Variants in ST7L observed in about 807,000 individuals in gnomAD.
ST7L encodes the protein suppression of tumorigenicity 7 like.
ST7L carries 57 observed loss-of-function variants against 72.5 expected under a neutral mutation model. The observed-to-expected ratio is 0.79, with a 90% CI of 0.64 to 0.98. The LOEUF (loss-of-function observed/expected upper bound fraction) is 0.98, where lower values mean the gene tolerates loss of function less well. Among genes scored for constraint, ST7L ranks in the 50% least tolerant of loss-of-function variants. The pLI is 0.00. For missense variants in ST7L, 576 were observed against 672.2 expected (o/e 0.86, Z 1.58); for synonymous variants, 221 against 240.9 (o/e 0.92, Z 0.77).
At chr1:112,619,618 G>T, upstream of ST7L, 1 of 560,976 alleles carries the variant, frequency 1.8e-6, no homozygotes, top group Non-Finnish European at 3.2e-6. Flanking sequence ...GTAACTCATT[G>T]GGAAAGATAT....
intron 1 of ST7L, 64 bp downstream of exon 1, chr1:112,618,845 T>C (rs1670375092): frequency 3.3e-6 from 5 of 1,534,318 alleles, no homozygotes; most frequent in Non-Finnish European, 4.4e-6. Flanking sequence ...TCTTGCCCTT[T>C]GGCTCTTGCC....
In ST7L at chr1:112,618,891, G is replaced by A. The variant is rs367721926; in HGVS notation, c.205+18C>T. 9 of 1,551,236 alleles carry A rather than the reference G, an allele frequency of 5.8e-6. No individual in the cohort carries two copies. The African/African-American group carries it at 9.6e-5, about 16-fold the overall frequency. ...CTCCTGGCCCCCCGCCCTGCCCCAG[G>A]AGGTCTGGTCCTCTCACCCGCTGCC... is the stretch of plus-strand genomic sequence containing the variant. On this transcript the variant is annotated intron_variant, in intron 1 of 14. Coordinates refer to ENST00000358039, the MANE Select transcript of ST7L (RefSeq NM_017744.5).
Position 112,578,360 on chromosome 1 carries a change from C to A in ST7L, c.1127G>T (p.Arg376Met), listed in dbSNP as rs116687780. 268 of 1,614,066 alleles carry A rather than the reference C, an allele frequency of 1.7e-4. 2 individuals carry two copies. In the East Asian group the frequency reaches 5.8e-3, roughly 35 times the overall value. The change falls in exon 10 of 15, where the codon AGG (arginine) becomes ATG (methionine). Residue 376 changes from arginine to methionine, a missense_variant. Arg to Met is a moderately conservative substitution (Grantham distance 91). Around this residue, in one of 3 missense-constraint regions of ST7L, gnomAD observed 511 missense variants for 600.7 expected, o/e 0.85. Coordinates refer to ENST00000358039, the MANE Select transcript of ST7L (RefSeq NM_017744.5). The part of the protein sequence containing the change: ...ICYTAALLKT[R>M]TVSEKFSPET... ...TAACACGTACTTTTCTGAAACAGTC[C>A]TTGTCTTCAACAGTGCTGCTGTGTA...
chr1:112,546,656 C>T (rs1657130351), intron 13 of ST7L, among the ~76,000 whole-genome samples: 1 of 151,986 alleles, frequency 6.6e-6, no homozygotes, highest in African/African-American at 2.4e-5. Flanking sequence ...CTTTCTAGTC[C>T]CCAGTTCTAG....
chr1:112,518,246 C>T, the ST7L span: 1 of 152,214 alleles, frequency 6.6e-6, no homozygotes, highest in Non-Finnish European at 1.5e-5. Context: ...ATTTCTGGTT[C>T]AGATAGGTTA....
intron 13 of ST7L, among the ~76,000 whole-genome samples, chr1:112,547,489 G>A (rs1400068793): frequency 1.3e-5 from 2 of 149,428 alleles, no homozygotes; most frequent in Admixed American, 6.7e-5. Context: ...CCCATGTCTG[G>A]CCCTTCTCAA....
chr1:112,564,102 G>A (rs1660580656), intron 11 of ST7L, among the ~76,000 whole-genome samples: 1 of 152,138 alleles, frequency 6.6e-6, no homozygotes, highest in African/African-American at 2.4e-5. Context: ...ATGTATTGGG[G>A]GAGACTAAAG....
At chr1:112,613,887 C>T (rs1004546569) in intron 2 of ST7L, among the ~76,000 whole-genome samples, 1 of 152,028 alleles carries the variant, frequency 6.6e-6, no homozygotes, top group South Asian at 2.1e-4. Context: ...GCCACCACAA[C>T]GCGCTAAATT....
intron 14 of ST7L, among the ~76,000 whole-genome samples, chr1:112,534,053 T>C (rs895326347): frequency 6.6e-6 from 1 of 152,186 alleles, no homozygotes; most frequent in African/African-American, 2.4e-5. Context: ...AGGCAGCTTA[T>C]TTGCCCACTG....
intron 11 of ST7L, chr1:112,570,815 T>C (rs1204294649): frequency 2.7e-5 from 12 of 450,616 alleles, no homozygotes; most frequent in Non-Finnish European, 4.9e-5. Context: ...ATAACATCAA[T>C]GTTATTTAAG....
rs1351167739 is a variant in ST7L, at chr1:112,528,624, G to A, written c.1630-2513C>T. ...CTATCCAGTACTGTGATACATTAAT[G>A]TAGGCTTACAGGCCCAGAACCTGGC... On this transcript the variant is annotated intron_variant, in intron 14 of 14. Coordinates refer to ENST00000358039, the MANE Select transcript of ST7L (RefSeq NM_017744.5). The A allele has an allele frequency of 3.3e-5, 5 of 152,188 alleles. No homozygotes were observed. The East Asian group carries it at 9.6e-4, about 29-fold the overall frequency. 9.4% of individuals were successfully genotyped at this position (152,188 alleles called of 1,614,324 possible). A position where few individuals can be genotyped will look rare whatever the true frequency, so the allele number is the denominator to read the frequency against.
In ST7L at chr1:112,550,896, G is replaced by T. The variant is rs1333464653; in HGVS notation, c.1397-203C>A. 3.9e-5 allele frequency among the ~76,000 whole-genome samples: 6 copies of T among 152,182 alleles called. No homozygotes were observed. The East Asian group carries it at 1.2e-3, about 29-fold the overall frequency. On this transcript the variant is annotated intron_variant, in intron 12 of 14. Transcript: ENST00000358039. ...AATAGTGAATGGTCTAGTCTGGCTGGAGTAAAACTATAGGGAGTGATAGAT... is the reference window on the plus strand; with the variant it reads ...AATAGTGAATGGTCTAGTCTGGCTGTAGTAAAACTATAGGGAGTGATAGAT...
Position 112,582,047 on chromosome 1 carries a change from T to A in ST7L, c.1014A>T (p.Ser338=). The A allele has an allele frequency of 6.2e-7, 1 of 1,613,622 alleles. No homozygotes were observed. Among genetic ancestry groups the A allele is most frequent in the Non-Finnish European group, 8.5e-7 (1 of 1,179,746 alleles). ...CTGGATAGGCCTGTAATTCTAAAAG[T>A]GATTCTAAGAGATTTTCATGGATGT... ...MLNIHENLLE[S]LLELQAYPDV... is the part of the protein sequence containing the mutation. Residue 338 remains serine (S), a synonymous_variant, in exon 9 of 15, where the codon TCA becomes TCT. Transcript: ENST00000358039.
chr1:112,605,519 C>T (rs1440875934), intron 3 of ST7L, among the ~76,000 whole-genome samples: 2 of 151,004 alleles, frequency 1.3e-5, no homozygotes, highest in Non-Finnish European at 2.9e-5. Flanking sequence ...GGAGAAAACC[C>T]GTCTCTACTA....
At chr1:112,520,430 G>A (rs771136481), downstream of ST7L, 25 of 1,614,044 alleles carry the variant, frequency 1.5e-5, no homozygotes, top group African/African-American at 4.0e-5. Flanking sequence ...TGTGCTGTAC[G>A]GTGCAAGGAA....
At chr1:112,521,778 G>A (rs1652895698), downstream of ST7L, 1 of 152,150 alleles carries the variant, frequency 6.6e-6, no homozygotes, top group Non-Finnish European at 1.5e-5. Context: ...AGCAGGCTTA[G>A]TAAGCTGGAG....
intron 11 of ST7L, among the ~76,000 whole-genome samples, chr1:112,568,525 C>T (rs929541998): frequency 3.3e-5 from 5 of 150,812 alleles, no homozygotes; most frequent in African/African-American, 1.2e-4. Context: ...TTAGTAGAGA[C>T]GGAGTTTCAC....
rs1309386625 is a variant in ST7L at position 112,550,586 on chromosome 1, A to G, written c.1489+15T>C. 1.3e-6 allele frequency: 2 copies of G among 1,588,370 alleles called. No individual in the cohort carries two copies. Among genetic ancestry groups the G allele is most frequent in the Non-Finnish European group, 8.6e-7 (1 of 1,159,326 alleles). The stretch of plus-strand genomic sequence containing the variant: ...TACTACTTTTAAGTTTAAGAAAACT[A>G]AAATATTTACTTACTAGGTAATAGC... On this transcript the variant is annotated intron_variant, in intron 13 of 14. Transcript: ENST00000358039.
intron 10 of ST7L, 46 bp downstream of exon 10, chr1:112,578,299 G>T: frequency 6.6e-7 from 1 of 1,518,142 alleles, no homozygotes; most frequent in Non-Finnish European, 9.2e-7. Flanking sequence ...GCATAATACT[G>T]AGTTTAGCAG....
Sources: gnomAD v4.1 joint callset for allele counts (sites outside exome capture counted in the v4.1 genomes callset) on GRCh38, gnomAD v4.1.1 for gene constraint, gnomAD v4.1.1 regional missense constraint, MANE v1.5 for transcripts, NCBI Gene and HGNC (gene_info 2026-07-23, HGNC 2026-07-21) for gene names.